Variants in DAB1 observed in about 807,000 individuals in gnomAD.
DAB1 encodes DAB adaptor protein 1.
DAB1 carries 15 observed loss-of-function variants against 64.6 expected under a neutral mutation model. That is an observed-to-expected ratio of 0.23 (90% CI 0.16 to 0.36). DAB1 has a LOEUF of 0.36. DAB1 is among the 10% of genes least tolerant of loss of function. DAB1 has a pLI of 1.00. For synonymous variants in DAB1, 235 were observed against 251.9 expected (o/e 0.93, Z 0.64); for missense variants, 596 against 706.7 (o/e 0.84, Z 1.78).
intron 7 of DAB1, among the ~76,000 whole-genome samples, chr1:57,552,142 G>A (rs1322114084): frequency 6.6e-6 from 1 of 152,132 alleles, no homozygotes; most frequent in African/African-American, 2.4e-5. Context: ...GGGAGAGTCT[G>A]GTGGGATCTT....
chr1:57,008,557 G>A (rs1646166275), intron 14 of DAB1, among the ~76,000 whole-genome samples: 1 of 152,090 alleles, frequency 6.6e-6, no homozygotes, highest in South Asian at 2.1e-4. Context: ...ACCCTATGAG[G>A]TGGACACTAT....
intron 4 of DAB1, among the ~76,000 whole-genome samples, chr1:58,202,090 A>G (rs960606540): frequency 6.6e-6 from 1 of 152,206 alleles, no homozygotes; most frequent in Non-Finnish European, 1.5e-5. Flanking sequence ...AAGTTAATAA[A>G]CATAAGAACC....
chr1:58,153,643 G>A lies in DAB1; in HGVS notation n.310-3055C>T, dbSNP rs138032572. The stretch of plus-strand genomic sequence containing the variant: ...TCAACCTAGAGCTGTAATGTGGGGT[G>A]ATTGTTACATTTCTATTCTTTCCTT... On this transcript the variant is annotated intron_variant and non_coding_transcript_variant, in intron 4 of 20. Transcript: ENST00000485760. Among the ~76,000 whole-genome samples, 54 of 152,166 alleles carry A rather than the reference G, an allele frequency of 3.5e-4. 1 individual carries two copies. In the East Asian group the frequency reaches 6.4e-3, roughly 18 times the overall value.
chr1:58,328,432 G>A (rs914571030), intron 4 of DAB1, among the ~76,000 whole-genome samples: 9 of 152,120 alleles, frequency 5.9e-5, no homozygotes, highest in African/African-American at 1.9e-4. Flanking sequence ...CAGCAGCATC[G>A]GCTTGACTCT....
chr1:58,086,440 A>C (rs7522031), intron 5 of DAB1, among the ~76,000 whole-genome samples: 41,128 of 151,938 alleles, frequency 0.27, 6,856 homozygotes, highest in East Asian at 0.49. Context: ...GAGATTTTCC[A>C]AGCTCATACC....
At chr1:58,127,474 T>C (rs904837469) in intron 5 of DAB1, among the ~76,000 whole-genome samples, 8 of 151,144 alleles carry the variant, frequency 5.3e-5, no homozygotes, top group Non-Finnish European at 8.9e-5. Context: ...TTAGATCCCA[T>C]TTGTCAATTT....
At chr1:57,922,960 C>A (rs1290368233) in intron 5 of DAB1, among the ~76,000 whole-genome samples, 3 of 151,502 alleles carry the variant, frequency 2.0e-5, no homozygotes, top group African/African-American at 7.3e-5. Flanking sequence ...CTCTTCCTCC[C>A]TTTCTTTCTT....
intron 7 of DAB1, among the ~76,000 whole-genome samples, chr1:57,599,633 T>A (rs1645553260): frequency 6.6e-6 from 1 of 152,118 alleles, no homozygotes; most frequent in Non-Finnish European, 1.5e-5. Flanking sequence ...TGATCCAGTA[T>A]GATAATATAT....
At chr1:57,030,003 G>A (rs60763767) in intron 9 of DAB1, among the ~76,000 whole-genome samples, 3 of 152,246 alleles carry the variant, frequency 2.0e-5, no homozygotes, top group East Asian at 3.9e-4. Context: ...GAGGGGCCAG[G>A]GGCAGAATGA....
At chr1:57,612,614 G>C (rs1272115848) in intron 7 of DAB1, among the ~76,000 whole-genome samples, 4 of 152,100 alleles carry the variant, frequency 2.6e-5, no homozygotes, top group African/African-American at 9.7e-5. Flanking sequence ...AGGTAACAAA[G>C]TGGATTCTAG....
chr1:57,219,253 A>T (rs60103052), intron 2 of DAB1, among the ~76,000 whole-genome samples: 1 of 143,346 alleles, frequency 7.0e-6, no homozygotes, highest in African/African-American at 2.5e-5. Context: ...TCATCTAAAA[A>T]GAGGCATTTC....
chr1:57,605,452 A>G (rs761567388), intron 7 of DAB1, among the ~76,000 whole-genome samples: 4 of 152,214 alleles, frequency 2.6e-5, no homozygotes, highest in African/African-American at 4.8e-5. Flanking sequence ...ACAGTAAACT[A>G]TAGGAAGAAA....
intron 5 of DAB1, among the ~76,000 whole-genome samples, chr1:58,146,456 T>C (rs1654599391): frequency 6.6e-6 from 1 of 152,226 alleles, no homozygotes; most frequent in African/African-American, 2.4e-5. Context: ...CTAGAGTTAT[T>C]CATCCTGCAT....
At chr1:57,955,136 A>G (rs1396702203) in intron 5 of DAB1, among the ~76,000 whole-genome samples, 1 of 152,108 alleles carries the variant, frequency 6.6e-6, no homozygotes, top group Non-Finnish European at 1.5e-5. Context: ...ACTTTGAAAT[A>G]TACAGTCTGT....
intron 1 of DAB1, among the ~76,000 whole-genome samples, chr1:57,302,509 TGG>T (rs1673748002): frequency 6.6e-6 from 1 of 152,258 alleles, no homozygotes; most frequent in African/African-American, 2.4e-5. Flanking sequence ...AGCTCCCGAA[TGG>T]GAGCTACAGC....
At chr1:57,566,814 C>G (rs1003004581) in intron 7 of DAB1, among the ~76,000 whole-genome samples, 2 of 152,150 alleles carry the variant, frequency 1.3e-5, no homozygotes, top group Non-Finnish European at 2.9e-5. Flanking sequence ...AGTCCAGGAC[C>G]AGACGAATTC....
At chr1:57,088,350 C>T (rs1039646179) in intron 4 of DAB1, among the ~76,000 whole-genome samples, 5 of 152,164 alleles carry the variant, frequency 3.3e-5, no homozygotes, top group African/African-American at 1.2e-4. Context: ...GGATTACAGG[C>T]GTGAGCCAGT....
chr1:57,770,158 A>G (rs1649493727), intron 6 of DAB1, among the ~76,000 whole-genome samples: 1 of 152,190 alleles, frequency 6.6e-6, no homozygotes, highest in Admixed American at 6.5e-5. Flanking sequence ...TGCCTTCTCA[A>G]TCTAGAAGAG....
At chr1:58,153,790 A>T (rs1655075185) in intron 4 of DAB1, among the ~76,000 whole-genome samples, 1 of 148,450 alleles carries the variant, frequency 6.7e-6, no homozygotes, top group East Asian at 2.0e-4. Context: ...CTCTGTGTTA[A>T]CCCGTCCTGT....
Sources: allele counts gnomAD v4.1 joint callset (sites outside exome capture counted in the v4.1 genomes callset), GRCh38; gene constraint gnomAD v4.1.1; transcripts MANE v1.5; gene names NCBI Gene and HGNC (gene_info 2026-07-23, HGNC 2026-07-21).